Variants in VAV3 observed in about 807,000 individuals in gnomAD.
The protein encoded by VAV3 is vav guanine nucleotide exchange factor 3.
In VAV3, 94 loss-of-function variants were observed where a neutral mutation model predicts 131.2. That is an observed-to-expected ratio of 0.72 (90% CI 0.61 to 0.85). VAV3 has a LOEUF of 0.85. Among genes scored for constraint, VAV3 ranks in the 40% least tolerant of loss-of-function variants. VAV3 has a pLI of 0.00. For synonymous variants in VAV3, 349 were observed against 342.0 expected, an observed-to-expected ratio of 1.02 and a Z score of -0.22; for missense variants, 939 against 1,002.7, an observed-to-expected ratio of 0.94 and a Z score of 0.86.
intron 2 of VAV3, among the ~76,000 whole-genome samples, chr1:107,829,462 T>G (rs2102384111): frequency 6.6e-6 from 1 of 152,350 alleles, no homozygotes; most frequent in East Asian, 1.9e-4. Flanking sequence ...GATTAAAGTT[T>G]ATTTATACCA....
intron 15 of VAV3, among the ~76,000 whole-genome samples, chr1:107,706,206 G>T (rs1316311561): frequency 6.6e-6 from 1 of 152,102 alleles, no homozygotes; most frequent in Non-Finnish European, 1.5e-5. Context: ...ATACTGATGA[G>T]CCAGGATTTC....
At chr1:107,784,306 T>C (rs1665865166) in intron 2 of VAV3, among the ~76,000 whole-genome samples, 1 of 152,198 alleles carries the variant, frequency 6.6e-6, no homozygotes, top group South Asian at 2.1e-4. Flanking sequence ...AGCAGAGTCA[T>C]GTCATATGTA....
At chr1:107,741,183 T>C (rs1490356661) in intron 15 of VAV3, among the ~76,000 whole-genome samples, 1 of 152,234 alleles carries the variant, frequency 6.6e-6, no homozygotes, top group South Asian at 2.1e-4. Context: ...AGTGAATCTT[T>C]TAAATTTTCA....
At chr1:107,735,635 C>CA (rs1216287858) in intron 15 of VAV3, among the ~76,000 whole-genome samples, 1 of 152,024 alleles carries the variant, frequency 6.6e-6, no homozygotes, top group Non-Finnish European at 1.5e-5. Context: ...TAGACACATA[C>CA]ACTCTCCCAA....
intron 2 of VAV3, among the ~76,000 whole-genome samples, chr1:107,851,396 G>GA (rs74262709): frequency 0.24 from 17,787 of 74,842 alleles, 1,363 homozygotes; most frequent in East Asian, 0.39. Context: ...AAAACACTCA[G>GA]AAAAAAAAAA....
At chr1:107,775,561 G>C (rs1665305815) in intron 4 of VAV3, among the ~76,000 whole-genome samples, 1 of 103,482 alleles carries the variant, frequency 9.7e-6, no homozygotes, top group Non-Finnish European at 1.7e-5. Flanking sequence ...CTGGGTGCCA[G>C]AGCAAGACTC....
At chr1:107,879,217 TA>T (rs1303109435) in intron 1 of VAV3, among the ~76,000 whole-genome samples, 2 of 152,170 alleles carry the variant, frequency 1.3e-5, no homozygotes, top group Non-Finnish European at 2.9e-5. Context: ...TTTCTCCAAA[TA>T]AGTCTTATTT....
At chr1:107,690,511 C>A (rs1404139854) in intron 17 of VAV3, among the ~76,000 whole-genome samples, 2 of 152,160 alleles carry the variant, frequency 1.3e-5, no homozygotes, top group Admixed American at 1.3e-4. Context: ...GAGACCCAGA[C>A]ACGGCACTGA....
intron 1 of VAV3, among the ~76,000 whole-genome samples, chr1:107,911,203 G>C (rs1672353616): frequency 6.6e-6 from 1 of 152,090 alleles, no homozygotes; most frequent in East Asian, 1.9e-4. Context: ...TCTAAAAGCT[G>C]GAAAATACAA....
chr1:107,883,834 C>A (rs1402513991), intron 1 of VAV3, among the ~76,000 whole-genome samples: 1 of 152,122 alleles, frequency 6.6e-6, no homozygotes, highest in African/African-American at 2.4e-5. Context: ...TTGGCAGAAA[C>A]TTAGACTTAG....
intron 1 of VAV3, among the ~76,000 whole-genome samples, chr1:107,894,342 C>T (rs1387862089): frequency 6.6e-6 from 1 of 152,048 alleles, no homozygotes; most frequent in Non-Finnish European, 1.5e-5. Context: ...AGAAGTAAAA[C>T]AAGGCAGAAA....
intron 2 of VAV3, among the ~76,000 whole-genome samples, chr1:107,830,991 G>A (rs1269891845): frequency 6.6e-6 from 1 of 152,200 alleles, no homozygotes; most frequent in East Asian, 1.9e-4. Context: ...TATAAGTAAA[G>A]CTCAGATGTG....
chr1:107,790,317 G>A (rs183104330), intron 2 of VAV3, among the ~76,000 whole-genome samples: 410 of 152,300 alleles, frequency 2.7e-3, no homozygotes, highest in South Asian at 5.2e-3. Context: ...TCACCCACCT[G>A]GAAATTCATC....
intron 19 of VAV3, among the ~76,000 whole-genome samples, chr1:107,657,556 T>G (rs986766993): frequency 1.3e-5 from 2 of 152,172 alleles, no homozygotes; most frequent in African/African-American, 4.8e-5. Context: ...GAGAGTTGCC[T>G]CTGGGTATAT....
intron 2 of VAV3, among the ~76,000 whole-genome samples, chr1:107,870,342 G>T (rs1670196605): frequency 6.6e-6 from 1 of 152,226 alleles, no homozygotes; most frequent in South Asian, 2.1e-4. Flanking sequence ...GCAGGAGTAA[G>T]GTGGTATTCC....
intron 25 of VAV3, among the ~76,000 whole-genome samples, chr1:107,585,635 C>T (rs1160565401): frequency 1.3e-5 from 2 of 152,146 alleles, no homozygotes; most frequent in Non-Finnish European, 2.9e-5. Flanking sequence ...CCTTGAGAGT[C>T]TTGATTCAAA....
intron 19 of VAV3, among the ~76,000 whole-genome samples, chr1:107,679,145 G>A (rs757184192): frequency 2.0e-5 from 3 of 152,096 alleles, no homozygotes; most frequent in East Asian, 1.9e-4. Flanking sequence ...TGAGAATGGC[G>A]TTATATGTCA....
At chr1:107,849,242 C>CA (rs201705921) in intron 2 of VAV3, among the ~76,000 whole-genome samples, 5,244 of 134,410 alleles carry the variant, frequency 0.039, 104 homozygotes, top group Non-Finnish European at 0.057. Context: ...CATATGCAAC[C>CA]AAAAAAAAAA....
chr1:107,652,269 T>C (rs1158379337), intron 19 of VAV3, among the ~76,000 whole-genome samples: 2 of 152,080 alleles, frequency 1.3e-5, no homozygotes, highest in African/African-American at 2.4e-5. Flanking sequence ...ACAAATGCCA[T>C]GGCAATGTCA....
Sources: allele counts gnomAD v4.1 joint callset (sites outside exome capture counted in the v4.1 genomes callset), GRCh38; gene constraint gnomAD v4.1.1; transcripts MANE v1.5; gene names NCBI Gene and HGNC (gene_info 2026-07-23, HGNC 2026-07-21).